ZNF704: variants seen among roughly 807,000 people sequenced by gnomAD.
ZNF704 encodes the protein glucocorticoid induced gene 1.
Under a neutral mutation model 44.7 loss-of-function variants are expected in ZNF704, and 10 were observed. That is an observed-to-expected ratio of 0.22 (90% confidence interval 0.14 to 0.38). The LOEUF is 0.38. Ranked by LOEUF, ZNF704 falls within the 10% of genes least tolerant of loss-of-function variation. ZNF704 has a pLI of 1.00. For synonymous variants in ZNF704, 211 were observed against 207.6 expected (o/e 1.02, Z -0.14); for missense variants, 390 against 545.5 (o/e 0.71, Z 2.84).
At chr8:80,871,892 C>G (rs1809258811) in intron 1 of ZNF704, among the ~76,000 whole-genome samples, 1 of 151,898 alleles carries the variant, frequency 6.6e-6, no homozygotes. Flanking sequence ...AAAATGAAGC[C>G]CATTTTGAAA....
intron 1 of ZNF704, among the ~76,000 whole-genome samples, chr8:80,841,756 G>A (rs1808683812): frequency 6.6e-6 from 1 of 152,108 alleles, no homozygotes; most frequent in Admixed American, 6.5e-5. Flanking sequence ...AACAATGCCA[G>A]AAATTCTATC....
intron 1 of ZNF704, among the ~76,000 whole-genome samples, chr8:80,823,002 T>C (rs993299730): frequency 5.9e-5 from 9 of 152,194 alleles, no homozygotes; most frequent in African/African-American, 2.2e-4. Flanking sequence ...AGCTCCAGTC[T>C]ACAGCTCCCA....
chr8:80,881,743 C>A, the ZNF704 span, among the ~76,000 whole-genome samples: 1 of 152,120 alleles, frequency 6.6e-6, no homozygotes, highest in Non-Finnish European at 1.5e-5. Flanking sequence ...GCCTGGCCAA[C>A]AAGGCAAAAT....
At chr8:80,868,560 C>T (rs1452437344) in intron 1 of ZNF704, among the ~76,000 whole-genome samples, 1 of 152,186 alleles carries the variant, frequency 6.6e-6, no homozygotes, top group African/African-American at 2.4e-5. Context: ...TATTTCACCT[C>T]CAGTCAGCAT....
intron 2 of ZNF704, among the ~76,000 whole-genome samples, chr8:80,720,461 C>A (rs192235415): frequency 6.0e-4 from 91 of 152,292 alleles, no homozygotes; most frequent in Admixed American, 1.6e-3. Context: ...TGTTTTGTAG[C>A]CACAGGAACT....
chr8:80,658,116 A>G (rs1400791304), intron 7 of ZNF704, among the ~76,000 whole-genome samples: 1 of 152,218 alleles, frequency 6.6e-6, no homozygotes, highest in Non-Finnish European at 1.5e-5. Context: ...CAAAGGGGAA[A>G]AACATTCCAG....
intron 2 of ZNF704, among the ~76,000 whole-genome samples, chr8:80,782,745 A>C (rs1807550696): frequency 6.6e-6 from 1 of 152,126 alleles, no homozygotes; most frequent in Non-Finnish European, 1.5e-5. Flanking sequence ...CTTTTGAGGA[A>C]GTACAGTCGC....
At chr8:80,852,343 T>G (rs1465831359) in intron 1 of ZNF704, among the ~76,000 whole-genome samples, 1 of 152,218 alleles carries the variant, frequency 6.6e-6, no homozygotes, top group Non-Finnish European at 1.5e-5. Context: ...CCATCAATAT[T>G]AGTATATACA....
intron 4 of ZNF704, among the ~76,000 whole-genome samples, chr8:80,683,060 T>C (rs1032030935): frequency 4.6e-5 from 7 of 152,202 alleles, no homozygotes; most frequent in Admixed American, 1.3e-4. Context: ...TGGCCTTCCA[T>C]AGAATTCATT....
chr8:80,730,089 G>A (rs1276462173), intron 2 of ZNF704, among the ~76,000 whole-genome samples: 1 of 152,136 alleles, frequency 6.6e-6, no homozygotes, highest in Non-Finnish European at 1.5e-5. Context: ...GAGAAGATGC[G>A]ATTGCAGCAC....
intron 2 of ZNF704, among the ~76,000 whole-genome samples, chr8:80,741,639 G>A (rs1194866354): frequency 1.3e-5 from 2 of 152,170 alleles, no homozygotes; most frequent in South Asian, 2.1e-4. Context: ...CCAGTGCTGC[G>A]ACTGCGCACT....
At chr8:80,731,708 G>C (rs947972579) in intron 2 of ZNF704, among the ~76,000 whole-genome samples, 2 of 152,120 alleles carry the variant, frequency 1.3e-5, no homozygotes, top group Non-Finnish European at 2.9e-5. Flanking sequence ...GCTGTGGTGA[G>C]CTATAATCAT....
rs369963667 is a variant in ZNF704, at chr8:80,669,581, C to T, written c.659+922G>A. ...CTATTTTCACCTTCTGCCTATATCACTTGTTGGGCATGAAGCATTTTCTAA... is the reference window on the plus strand; with the variant it reads ...CTATTTTCACCTTCTGCCTATATCATTTGTTGGGCATGAAGCATTTTCTAA... On this transcript the variant is annotated intron_variant, in intron 5 of 8. Transcript: ENST00000327835. Among the ~76,000 whole-genome samples, 12 of 152,222 alleles carry T rather than the reference C, an allele frequency of 7.9e-5. No individual in the cohort carries two copies. The South Asian group carries it at 8.3e-4, about 11-fold the overall frequency.
chr8:80,644,359 C>A lies in ZNF704; in HGVS notation c.1033-1230G>T, dbSNP rs1047497141. ...TTACTCACTTCAGCCCTTTGCATTA[C>A]CTGTCTCCTAACACTAAGTAATCTT... On this transcript the variant is annotated intron_variant, in intron 7 of 8. Transcript: ENST00000327835. Among the ~76,000 whole-genome samples, 10 of 152,148 alleles carry A rather than the reference C, an allele frequency of 6.6e-5. No individual in the cohort carries two copies. The East Asian group carries it at 1.9e-3, about 29-fold the overall frequency.
At chr8:80,693,670 G>A (rs2131637953) in intron 2 of ZNF704, among the ~76,000 whole-genome samples, 1 of 152,300 alleles carries the variant, frequency 6.6e-6, no homozygotes, top group South Asian at 2.1e-4. Context: ...ATCCCAAGCA[G>A]AGGCAGCAGC....
At chr8:80,705,352 G>A (rs1239429647) in intron 2 of ZNF704, among the ~76,000 whole-genome samples, 2 of 151,612 alleles carry the variant, frequency 1.3e-5, no homozygotes, top group African/African-American at 4.9e-5. Context: ...GTGTGTTTCT[G>A]CACAGTTGTG....
At chr8:80,816,195 C>T (rs774066462) in intron 2 of ZNF704, among the ~76,000 whole-genome samples, 19 of 152,122 alleles carry the variant, frequency 1.2e-4, no homozygotes, top group Admixed American at 3.9e-4. Flanking sequence ...CTTCCTTTGT[C>T]GATTCTTGTC....
At chr8:80,810,197 G>A (rs1448067219) in intron 2 of ZNF704, among the ~76,000 whole-genome samples, 1 of 151,942 alleles carries the variant, frequency 6.6e-6, no homozygotes, top group East Asian at 1.9e-4. Context: ...CCAATCTTAC[G>A]GTATCACCTG....
intron 2 of ZNF704, among the ~76,000 whole-genome samples, chr8:80,770,315 G>A (rs1056549002): frequency 2.6e-5 from 4 of 152,074 alleles, no homozygotes; most frequent in African/African-American, 7.2e-5. Context: ...TAGCCAAATC[G>A]ACTTACCTTC....
Sources: allele counts gnomAD v4.1 joint callset (sites outside exome capture counted in the v4.1 genomes callset), GRCh38; gene constraint gnomAD v4.1.1; transcripts MANE v1.5; gene names NCBI Gene and HGNC (gene_info 2026-07-23, HGNC 2026-07-21).